The following ZNF486 variants were observed in gnomAD, a reference collection of about 807,000 sequenced individuals.
The protein encoded by ZNF486 is zinc finger protein 486.
ZNF486 carries 12 observed loss-of-function variants against 12.8 expected under a neutral mutation model. That is an observed-to-expected ratio of 0.94 (90% CI 0.60 to 1.52). The LOEUF (loss-of-function observed/expected upper bound fraction) is 1.52, where lower values mean the gene tolerates loss of function less well. Ranked by LOEUF, ZNF486 falls within the 40% of genes most tolerant of loss-of-function variation. The probability of loss-of-function intolerance (pLI) is 0.00; values close to 1 mark genes in which losing one functional copy is unlikely to be tolerated. For synonymous variants in ZNF486, 231 were observed against 184.9 expected (o/e 1.25, Z -2.02); for missense variants, 738 against 545.0 (o/e 1.35, Z -3.53).
In ZNF486 at chr19:20,176,194, C is replaced by T. The variant is rs192143194; in HGVS notation, c.31-8162C>T. On this transcript the variant is annotated intron_variant, in intron 1 of 3. Coordinates refer to ENST00000335117, the MANE Select transcript of ZNF486 (RefSeq NM_052852.4). The stretch of plus-strand genomic sequence containing the variant: ...GCTCCTCATATCCCAGACGGGGCAG[C>T]GGGGCAGAGGCGCTCCCCACATCTC... 39 of 157,354 alleles carry T rather than the reference C, an allele frequency of 2.5e-4. No individual in the cohort carries two copies. The East Asian group carries it at 5.7e-3, about 23-fold the overall frequency. 9.7% of individuals were successfully genotyped at this position (157,354 alleles called of 1,614,324 possible). A position where few individuals can be genotyped will look rare whatever the true frequency, so the allele number is the denominator to read the frequency against.
At position 20,198,367 on chromosome 19, in the gene ZNF486, T is replaced by A. The variant is rs1274593367; in HGVS notation, c.*265T>A. On this transcript the variant is annotated 3_prime_UTR_variant, in exon 4 of 4. Transcript: ENST00000335117. ...GTCTGCCTGCTTTGGCCTCCCAAAG[T>A]GTTGGGGTTACAGGCATGAGCCACT... 9.7e-6 allele frequency: 4 copies of A among 411,964 alleles called. No homozygotes were observed. Among genetic ancestry groups the A allele is most frequent in the Non-Finnish European group, 1.7e-5 (4 of 228,980 alleles). 25.5% of individuals were successfully genotyped at this position (411,964 alleles called of 1,614,324 possible).
At chr19:20,167,492 T>A in intron 1 of ZNF486, 132 bp downstream of exon 1, 1 of 1,000,660 alleles carries the variant, frequency 1.0e-6, no homozygotes, top group Non-Finnish European at 1.5e-6. Flanking sequence ...CAGCTCGGCC[T>A]CAGTCCCCTT....
At chr19:20,193,601 C>T (rs989660586) in intron 3 of ZNF486, among the ~76,000 whole-genome samples, 2 of 152,058 alleles carry the variant, frequency 1.3e-5, no homozygotes, top group African/African-American at 2.4e-5. Context: ...GCGGACGTTG[C>T]AGTGAGCCAA....
chr19:20,197,935 G>A lies in ZNF486; in HGVS notation c.1225G>A (p.Glu409Lys), dbSNP rs369970312. ...THTGEKPYKC[E>K]ECGKAYTTSS... ...TACTGGAGAGAAACCCTACAAATGTGAAGAATGTGGCAAAGCGTATACTAC... is the reference window on the plus strand; with the variant it reads ...TACTGGAGAGAAACCCTACAAATGTAAAGAATGTGGCAAAGCGTATACTAC... Residue 409 changes from glutamate to lysine, a missense_variant, in exon 4 of 4, where the codon GAA becomes AAA. Glu to Lys is a moderately conservative substitution (Grantham distance 56). Coordinates refer to ENST00000335117, the MANE Select transcript of ZNF486 (RefSeq NM_052852.4). 1.2e-6 allele frequency: 2 copies of A among 1,613,700 alleles called. No individual in the cohort carries two copies. The highest frequency in any genetic ancestry group is 2.2e-5 in the South Asian group (2 of 91,056).
At chr19:20,174,949 GT>G (rs1343773502) in intron 1 of ZNF486, 9 of 152,170 alleles carry the variant, frequency 5.9e-5, no homozygotes, top group African/African-American at 9.7e-5. Context: ...TAGCTCTTCA[GT>G]TTGCTATGTT....
At chr19:20,191,479 T>A (rs536497152) in intron 3 of ZNF486, among the ~76,000 whole-genome samples, 1 of 135,702 alleles carries the variant, frequency 7.4e-6, no homozygotes, top group African/African-American at 2.9e-5. Context: ...AAAAAAAAAT[T>A]ATGCACTCGG....
intron 1 of ZNF486, among the ~76,000 whole-genome samples, chr19:20,177,664 T>A (rs1555715004): frequency 6.6e-6 from 1 of 151,990 alleles, no homozygotes. Context: ...TAACCCCGCC[T>A]CCCAGGTTCA....
Position 20,182,989 on chromosome 19 carries a change from G to A in ZNF486, c.31-1367G>A, listed in dbSNP as rs2089802754. On this transcript the variant is annotated intron_variant, in intron 1 of 3. Coordinates refer to ENST00000335117, the MANE Select transcript of ZNF486 (RefSeq NM_052852.4). ...TGCCTCCTGGACCCCCATGAGTTTA[G>A]TACTCACAAACCTTTACTTCTCTAC... Among the ~76,000 whole-genome samples the A allele has an allele frequency of 2.0e-5, 3 of 152,088 alleles. No individual in the cohort carries two copies. The South Asian group carries it at 6.2e-4, about 32-fold the overall frequency.
At position 20,197,972 on chromosome 19, in the gene ZNF486, T is replaced by A. The variant is rs782475929; in HGVS notation, c.1262T>A (p.Leu421Gln). 1 of 1,613,776 alleles carries A rather than the reference T, an allele frequency of 6.2e-7. No individual in the cohort carries two copies. Among genetic ancestry groups the A allele is most frequent in the Non-Finnish European group, 8.5e-7 (1 of 1,179,790 alleles). The stretch of plus-strand genomic sequence containing the variant: ...AAAGCGTATACTACATCCTCAAATC[T>A]AACTGAACATAAGACAACTCATACT... The part of the protein sequence containing the change: ...CGKAYTTSSN[L>Q]TEHKTTHTGE... The change falls in exon 4 of 4, where the codon CTA (leucine) becomes CAA (glutamine). Residue 421 changes from leucine to glutamine, a missense_variant. Physicochemically the swap from Leu to Gln is moderately radical, Grantham distance 113. Coordinates refer to ENST00000335117, the MANE Select transcript of ZNF486 (RefSeq NM_052852.4).
chr19:20,172,130 A>G (rs2089654793), intron 1 of ZNF486, among the ~76,000 whole-genome samples: 1 of 151,872 alleles, frequency 6.6e-6, no homozygotes, highest in South Asian at 2.1e-4. Context: ...CAGCCTCCCA[A>G]GTAGCTGGGA....
chr19:20,195,820 T>C (rs1555717834), intron 3 of ZNF486, among the ~76,000 whole-genome samples: 1 of 152,218 alleles, frequency 6.6e-6, no homozygotes, highest in East Asian at 1.9e-4. Context: ...CTGTTTGCAG[T>C]TTCTCTGCTT....
chr19:20,197,074 T>G lies in ZNF486; in HGVS notation c.364T>G (p.Phe122Val). Reference protein sequence around the residue: ...FEKCGHGNLHFKKGCESVDEC... With the variant: ...FEKCGHGNLHVKKGCESVDEC... ...AAAATGTGGACATGGCAATTTACAC[T>G]TTAAAAAAGGCTGTGAAAGTGTGGA... Residue 122 changes from phenylalanine (F) to valine (V), a missense_variant, in exon 4 of 4, where the codon TTT becomes GTT. Coordinates refer to ENST00000335117, the MANE Select transcript of ZNF486 (RefSeq NM_052852.4). 1.9e-6 allele frequency: 3 copies of G among 1,612,134 alleles called. No homozygotes were observed. The highest frequency in any genetic ancestry group is 2.5e-6 in the Non-Finnish European group (3 of 1,179,652).
chr19:20,191,630 C>T (rs1170200612), intron 3 of ZNF486, among the ~76,000 whole-genome samples: 2 of 150,102 alleles, frequency 1.3e-5, no homozygotes, highest in African/African-American at 2.5e-5. Context: ...ATTAGCCGGG[C>T]ATGGTGGTGG....
chr19:20,177,223 C>A (rs1272617851), intron 1 of ZNF486, among the ~76,000 whole-genome samples: 1 of 152,184 alleles, frequency 6.6e-6, no homozygotes. Flanking sequence ...TGCTGTAGCC[C>A]ACTGCCAGTG....
intron 3 of ZNF486, among the ~76,000 whole-genome samples, chr19:20,193,060 T>C (rs568179093): frequency 1.1e-4 from 17 of 152,260 alleles, no homozygotes; most frequent in African/African-American, 4.1e-4. Context: ...TTCTTTTGCA[T>C]ACTTTCTATA....
intron 1 of ZNF486, among the ~76,000 whole-genome samples, chr19:20,173,868 G>C (rs1404037241): frequency 6.6e-6 from 1 of 150,970 alleles, no homozygotes; most frequent in Non-Finnish European, 1.5e-5. Context: ...TTTTGCCATT[G>C]TCTCATTTCT....
intron 1 of ZNF486, among the ~76,000 whole-genome samples, chr19:20,169,071 C>T (rs563366912): frequency 2.0e-5 from 3 of 151,650 alleles, no homozygotes; most frequent in East Asian, 2.0e-4. Context: ...GAACTCCTGA[C>T]CTTGTGATCC....
At chr19:20,172,038 CTTG>C (rs1333111941) in intron 1 of ZNF486, among the ~76,000 whole-genome samples, 2 of 144,802 alleles carry the variant, frequency 1.4e-5, no homozygotes, top group East Asian at 4.0e-4. Context: ...GACTTTTGCT[CTTG>C]TTGTCCAGGC....
chr19:20,197,179 G>GAAATATTTT lies in ZNF486; in HGVS notation c.469_470insAAATATTTT (p.Gly157delinsGluIlePheCys), dbSNP rs1253695331. ...TACCCAGAGCAAAATATTTCAATGT[G>GAAATATTTT]GTAAATATGTGAAAGTCTTTCATCA... On this transcript the variant is annotated protein_altering_variant, in exon 4 of 4. Transcript: ENST00000335117. 6.2e-6 allele frequency: 10 copies of GAAATATTTT among 1,613,330 alleles called. No individual in the cohort carries two copies. In the Admixed American group the frequency reaches 8.3e-5, roughly 13 times the overall value.
Sources: allele counts gnomAD v4.1 joint callset (sites outside exome capture counted in the v4.1 genomes callset), GRCh38; gene constraint gnomAD v4.1.1; transcripts MANE v1.5; gene names NCBI Gene and HGNC (gene_info 2026-07-23, HGNC 2026-07-21).